MFN2: variants seen among roughly 807,000 people sequenced by gnomAD.
The protein encoded by MFN2 is mitofusin 2.
MFN2 carries 43 observed loss-of-function variants against 87.5 expected under a neutral mutation model. That is an observed-to-expected ratio of 0.49 (90% confidence interval 0.38 to 0.63). The LOEUF is 0.63. Among genes scored for constraint, MFN2 ranks in the 30% least tolerant of loss-of-function variants. MFN2 has a pLI of 0.00. For missense variants in MFN2, 743 were observed against 972.8 expected, an observed-to-expected ratio of 0.76 and a Z score of 3.14; for synonymous variants, 337 against 359.9, an observed-to-expected ratio of 0.94 and a Z score of 0.72.
Position 12,004,971 on chromosome 1 carries a change from C to T in MFN2, c.1495+44C>T, listed in dbSNP as rs372286261. Reference sequence around the variant, plus strand: ...CTGGGCAGCTGTGGCCCTGGGCTGCCCAAAGATCAGATGCGGAGGCCAAGC... The same window carrying T: ...CTGGGCAGCTGTGGCCCTGGGCTGCTCAAAGATCAGATGCGGAGGCCAAGC... On this transcript the variant is annotated intron_variant, in intron 14 of 18. Transcript: ENST00000235329. The surrounding 1 kb of genome is among the most constrained non-coding windows in gnomAD (Gnocchi z 4.2). 18 of 1,508,806 alleles carry T rather than the reference C, an allele frequency of 1.2e-5. No homozygotes were observed. The African/African-American group carries it at 2.3e-4, about 20-fold the overall frequency. 93.5% of individuals were successfully genotyped at this position (1,508,806 alleles called of 1,614,324 possible).
chr1:11,997,350 C>T lies in MFN2; in HGVS notation c.528C>T (p.Gly176=). 2 of 1,614,184 alleles carry T rather than the reference C, an allele frequency of 1.2e-6. No homozygotes were observed. ...ALHQDKQLHA[G]SLVSVMWPNS... ...ACCAGGACAAGCAGCTCCATGCCGGCAGCCTAGTGAGTGTGATGTGGCCCA... is the reference window on the plus strand; with the variant it reads ...ACCAGGACAAGCAGCTCCATGCCGGTAGCCTAGTGAGTGTGATGTGGCCCA... The change falls in exon 6 of 19, where the codon GGC becomes GGT. Residue 176 remains glycine, a synonymous_variant. Coordinates refer to ENST00000235329, the MANE Select transcript of MFN2 (RefSeq NM_014874.4).
rs61232786 is a variant in MFN2 at position 12,003,083 on chromosome 1, ATTT to A, written c.1161-901_1161-899del. Among the ~76,000 whole-genome samples, 1 of 149,686 alleles carries A rather than the reference ATTT, an allele frequency of 6.7e-6. No homozygotes were observed. Among genetic ancestry groups the A allele is most frequent in the Admixed American group, 6.7e-5 (1 of 15,008 alleles). On this transcript the variant is annotated intron_variant, in intron 11 of 18. Transcript: ENST00000235329. The surrounding 1 kb of genome is among the most constrained non-coding windows in gnomAD (Gnocchi z 4.1). The stretch of plus-strand genomic sequence containing the variant: ...CATTTTCCTATGGATGGAATTTTAG[ATTT>A]TTTTTTTGCTATTGGAAACCCTACT...
chr1:11,998,549 AAAAACAAAAC>A (rs55676620), intron 6 of MFN2, among the ~76,000 whole-genome samples: 5 of 150,628 alleles, frequency 3.3e-5, no homozygotes, highest in South Asian at 2.1e-4. Flanking sequence ...CTCTATATCC[AAAAACAAAAC>A]AAAACAAAAC....
chr1:11,985,238 T>C (rs1481635660), intron 2 of MFN2, among the ~76,000 whole-genome samples: 3 of 152,108 alleles, frequency 2.0e-5, no homozygotes, highest in Admixed American at 6.5e-5. Context: ...TGTTGATGAT[T>C]ATGGTGTGAG....
chr1:11,996,394 A>G, intron 5 of MFN2, 76 bp downstream of exon 5: 1 of 1,556,716 alleles, frequency 6.4e-7, no homozygotes, highest in Non-Finnish European at 8.8e-7. Context: ...GGCTGACCTC[A>G]CCTCTAGGGA....
intron 3 of MFN2, among the ~76,000 whole-genome samples, chr1:11,991,990 G>C (rs1362272576): frequency 7.1e-6 from 1 of 140,882 alleles, no homozygotes; most frequent in Non-Finnish European, 1.5e-5. Context: ...GGACTCCAGA[G>C]CCAGGCTGCC....
intron 17 of MFN2, 121 bp from the exon 18 acceptor site, chr1:12,009,471 A>G (rs1030102831): frequency 5.7e-6 from 8 of 1,410,788 alleles, no homozygotes; most frequent in Middle Eastern, 2.3e-4. Context: ...GGCCTGGCTC[A>G]GGGCAGAGCT....
intron 6 of MFN2, among the ~76,000 whole-genome samples, chr1:11,997,752 T>C (rs2100827522): frequency 6.6e-6 from 1 of 152,276 alleles, no homozygotes; most frequent in Middle Eastern, 3.4e-3. Context: ...GAGGTGTATT[T>C]TATTTCCCTT....
At chr1:11,996,103 G>A (rs927078682) in intron 4 of MFN2, 53 bp from the exon 5 acceptor site, 3 of 1,611,932 alleles carry the variant, frequency 1.9e-6, no homozygotes, top group Non-Finnish European at 2.5e-6. Context: ...CGTTGTGAAA[G>A]TAATTCAGGT....
At chr1:12,001,325 T>C in intron 8 of MFN2, 76 bp from the exon 9 acceptor site, 1 of 1,578,210 alleles carries the variant, frequency 6.3e-7, no homozygotes, top group Non-Finnish European at 8.6e-7. Context: ...TTATGACCTA[T>C]TCTTTTAATA....
At chr1:11,986,182 C>T (rs1014918653) in intron 2 of MFN2, among the ~76,000 whole-genome samples, 6 of 152,164 alleles carry the variant, frequency 3.9e-5, no homozygotes, top group Non-Finnish European at 8.8e-5. Flanking sequence ...ACTAAAAGTC[C>T]GTTTTGGCAT....
intron 2 of MFN2, among the ~76,000 whole-genome samples, chr1:11,985,396 C>T (rs1468859824): frequency 6.6e-6 from 1 of 151,348 alleles, no homozygotes; most frequent in Non-Finnish European, 1.5e-5. Context: ...TTGAACCCAG[C>T]TCTGCCTGAT....
chr1:12,005,216 C>A (rs759123172), intron 14 of MFN2, among the ~76,000 whole-genome samples: 7 of 152,136 alleles, frequency 4.6e-5, no homozygotes, highest in Non-Finnish European at 1.5e-5. Flanking sequence ...CGAGTAGCTG[C>A]GACTACAGGC....
Position 12,004,166 on chromosome 1 carries a change from G to A in MFN2, c.1287+48G>A, listed in dbSNP as rs1639301534. 6.2e-7 allele frequency: 1 copy of A among 1,611,710 alleles called. No homozygotes were observed. Among genetic ancestry groups the A allele is most frequent in the Non-Finnish European group, 8.5e-7 (1 of 1,179,280 alleles). ...TCTGGGAAGATTTGGACTCCGAGTA[G>A]AGTCCAGAAGAAAGCAGACCTCCTC... is the stretch of plus-strand genomic sequence containing the variant. On this transcript the variant is annotated intron_variant, in intron 12 of 18. Transcript: ENST00000235329. The surrounding 1 kb of genome is among the most constrained non-coding windows in gnomAD (Gnocchi z 4.2).
Position 11,996,198 on chromosome 1 carries a change from G to T in MFN2, c.354G>T (p.Trp118Cys), listed in dbSNP as rs777076965. 1 of 1,614,202 alleles carries T rather than the reference G, an allele frequency of 6.2e-7. No individual in the cohort carries two copies. The highest frequency in any genetic ancestry group is 8.5e-7 in the Non-Finnish European group (1 of 1,180,034). The change falls in exon 5 of 19, where the codon TGG becomes TGT. Residue 118 changes from tryptophan (W) to cysteine (C), a missense_variant. Around this residue, in one of 3 missense-constraint regions of MFN2, gnomAD observed 141 missense variants for 278.9 expected, o/e 0.51. Transcript: ENST00000235329. Reference protein sequence around the residue: ...GKSTVINAMLWDKVLPSGIGH... With the variant: ...GKSTVINAMLCDKVLPSGIGH... ...GCACCGTGATCAATGCCATGCTCTG[G>T]GACAAAGTTCTGCCCTCTGGGATTG...
In MFN2 at chr1:12,013,281, G is replaced by A. The variant is rs772365631; in HGVS notation, c.*1716G>A. The A allele has an allele frequency of 8.4e-5, 36 of 426,674 alleles. No individual in the cohort carries two copies. Among genetic ancestry groups the A allele is most frequent in the South Asian group, 3.1e-4 (18 of 57,900 alleles). 26.4% of individuals were successfully genotyped at this position (426,674 alleles called of 1,614,324 possible). A position where few individuals can be genotyped will look rare whatever the true frequency, so the allele number is the denominator to read the frequency against. ...ATGAAATTTTGAGCTTCTTCAATACGTAAAATTAAATTTATACCACTGAGG... is the reference window on the plus strand; with the variant it reads ...ATGAAATTTTGAGCTTCTTCAATACATAAAATTAAATTTATACCACTGAGG... On this transcript the variant is annotated 3_prime_UTR_variant, in exon 19 of 19. Coordinates refer to ENST00000235329, the MANE Select transcript of MFN2 (RefSeq NM_014874.4).
At position 12,011,815 on chromosome 1, in the gene MFN2, C is replaced by G. The variant is rs188139414; in HGVS notation, c.*250C>G. 199 of 575,198 alleles carry G rather than the reference C, an allele frequency of 3.5e-4. No individual in the cohort carries two copies. The highest frequency in any genetic ancestry group is 3.4e-3 in the African/African-American group (180 of 53,450). The allele number at this position is 575,198 out of a possible 1,614,324, so 35.6% of individuals were successfully genotyped here. A position where few individuals can be genotyped will look rare whatever the true frequency, so the allele number is the denominator to read the frequency against. On this transcript the variant is annotated 3_prime_UTR_variant, in exon 19 of 19. Transcript: ENST00000235329. ...GCGACAGCTATGGACAGCATGGTAC[C>G]AAGGAGTTAAGTTGAGGCTTTTTCC...
At chr1:12,005,689 C>T in intron 14 of MFN2, 22 bp from the exon 15 acceptor site, 1 of 1,610,316 alleles carries the variant, frequency 6.2e-7, no homozygotes, top group Non-Finnish European at 8.5e-7. Flanking sequence ...ATAAGCTTTT[C>T]CTCCATTTCT....
At position 12,004,892 on chromosome 1, in the gene MFN2, C is replaced by G. The variant is rs142110794; in HGVS notation, c.1460C>G (p.Thr487Ser). The G allele has an allele frequency of 4.3e-6, 7 of 1,613,164 alleles. No individual in the cohort carries two copies. The African/African-American group carries it at 9.3e-5, about 22-fold the overall frequency. The change falls in exon 14 of 19, where the codon ACC (threonine) becomes AGC (serine). Residue 487 changes from threonine to serine, a missense_variant. Physicochemically the swap from Thr to Ser is moderately conservative, Grantham distance 58. Coordinates refer to ENST00000235329, the MANE Select transcript of MFN2 (RefSeq NM_014874.4). The surrounding 1 kb of genome is among the most constrained non-coding windows in gnomAD (Gnocchi z 4.2). Reference protein sequence around the residue: ...NMSDRCSTAITNSLQTMQQDM... With the variant: ...NMSDRCSTAISNSLQTMQQDM... ...TCTGACCGCTGCTCCACGGCCATCACCAACTCCCTGCAGACCATGCAGCAG... is the reference window on the plus strand; with the variant it reads ...TCTGACCGCTGCTCCACGGCCATCAGCAACTCCCTGCAGACCATGCAGCAG...
Sources: allele counts gnomAD v4.1 joint callset (sites outside exome capture counted in the v4.1 genomes callset), GRCh38; gene constraint gnomAD v4.1.1; regional missense constraint gnomAD v4.1.1; non-coding constraint Gnocchi (gnomAD v3.1); transcripts MANE v1.5; gene names NCBI Gene and HGNC (gene_info 2026-07-23, HGNC 2026-07-21).